The following BLTP1 variants were observed in gnomAD, a reference collection of about 807,000 sequenced individuals.
BLTP1 encodes the protein fragile site-associated protein.
At chr4:122,348,669 A>G in the BLTP1 span, 1 of 1,612,326 alleles carries the variant, frequency 6.2e-7, no homozygotes, top group Non-Finnish European at 8.5e-7. Context: ...ATCAACTTGA[A>G]GCAATTAAAC....
At chr4:122,167,845 G>A in the BLTP1 span, 1 of 985,266 alleles carries the variant, frequency 1.0e-6, no homozygotes, top group Non-Finnish European at 1.2e-6. Context: ...AGATTGAACT[G>A]TTCAGGAAGG....
At chr4:122,196,850 G>T in the BLTP1 span, 1 of 991,974 alleles carries the variant, frequency 1.0e-6, no homozygotes. Flanking sequence ...TTATTTTTCA[G>T]AGTTTTTTCC....
At chr4:122,311,688 T>C in the BLTP1 span, among the ~76,000 whole-genome samples, 1 of 152,004 alleles carries the variant, frequency 6.6e-6, no homozygotes, top group Admixed American at 6.6e-5. Context: ...ATAGGAAGAG[T>C]TCAAAGAACG....
chr4:122,340,694 G>A, the BLTP1 span: 1 of 983,976 alleles, frequency 1.0e-6, no homozygotes, highest in Non-Finnish European at 1.2e-6. Flanking sequence ...TTTTGCTAAT[G>A]TGGTCACCCA....
At chr4:122,154,298 C>T in the BLTP1 span, 1 of 982,052 alleles carries the variant, frequency 1.0e-6, no homozygotes, top group Admixed American at 6.3e-5. Context: ...GCCTCAGCCT[C>T]CCAAGTAGCT....
At chr4:122,331,068 T>C in the BLTP1 span, 3 of 958,942 alleles carry the variant, frequency 3.1e-6, no homozygotes, top group Non-Finnish European at 3.7e-6. Flanking sequence ...CACAGTATAT[T>C]TTATATACTG....
At chr4:122,175,998 A>G in the BLTP1 span, 1 of 750,090 alleles carries the variant, frequency 1.3e-6, no homozygotes, top group African/African-American at 1.8e-5. Context: ...AGATATGACC[A>G]GTTAGAAAAG....
chr4:122,271,608 A>T, the BLTP1 span: 1 of 1,613,458 alleles, frequency 6.2e-7, no homozygotes, highest in South Asian at 1.1e-5. Flanking sequence ...GTGTCAGAAC[A>T]AAGTGAGCCT....
the BLTP1 span, chr4:122,226,506 T>G: frequency 7.4e-7 from 1 of 1,346,424 alleles, no homozygotes; most frequent in East Asian, 3.2e-5. Flanking sequence ...TTGTCATTCA[T>G]AAAGGAAAAG....
the BLTP1 span, chr4:122,196,752 T>C: frequency 6.2e-7 from 1 of 1,607,218 alleles, no homozygotes; most frequent in Non-Finnish European, 8.5e-7. Context: ...TGAATATTAT[T>C]GCAGATGCTA....
At chr4:122,176,078 G>A in the BLTP1 span, among the ~76,000 whole-genome samples, 1 of 152,014 alleles carries the variant, frequency 6.6e-6, no homozygotes, top group Non-Finnish European at 1.5e-5. Flanking sequence ...GAGGCAGGTG[G>A]ATCACCTGAG....
At chr4:122,273,111 C>T in the BLTP1 span, 1 of 587,410 alleles carries the variant, frequency 1.7e-6, no homozygotes, top group Non-Finnish European at 2.1e-6. Context: ...GGTTTTTTTT[C>T]TGGTTGTGAA....
the BLTP1 span, among the ~76,000 whole-genome samples, chr4:122,216,139 CTAT>C: frequency 1.3e-5 from 2 of 148,278 alleles, no homozygotes; most frequent in East Asian, 2.0e-4. Flanking sequence ...ATCTATCTAT[CTAT>C]CTACCACATT....
the BLTP1 span, chr4:122,264,427 G>A: frequency 2.5e-6 from 4 of 1,597,398 alleles, no homozygotes; most frequent in Non-Finnish European, 3.4e-6. Flanking sequence ...CTGATGCACA[G>A]GTGAGCCAGC....
chr4:122,204,284 G>A, the BLTP1 span: 5 of 958,568 alleles, frequency 5.2e-6, no homozygotes, highest in Non-Finnish European at 6.2e-6. Context: ...GTTGTCTGAA[G>A]GTAATCAGAG....
At chr4:122,281,305 C>G in the BLTP1 span, 1 of 978,048 alleles carries the variant, frequency 1.0e-6, no homozygotes, top group African/African-American at 1.8e-5. Context: ...ATCACCTTCA[C>G]AGTATAACAT....
chr4:122,166,224 T>G, the BLTP1 span, among the ~76,000 whole-genome samples: 4,457 of 152,266 alleles, frequency 0.029, 112 homozygotes, highest in East Asian at 0.14. Context: ...GTTTAAGTCT[T>G]TAATCCATCT....
the BLTP1 span, chr4:122,277,094 A>G: frequency 8.1e-6 from 8 of 984,046 alleles, no homozygotes; most frequent in Non-Finnish European, 9.7e-6. Context: ...ATTAGAAGTT[A>G]TTGGAGCCAA....
At chr4:122,316,539 A>G in the BLTP1 span, 2 of 657,716 alleles carry the variant, frequency 3.0e-6, no homozygotes, top group East Asian at 4.2e-5. Context: ...GAGCACACTC[A>G]TGGGGAAACG....
Sources: gnomAD v4.1 joint callset for allele counts (sites outside exome capture counted in the v4.1 genomes callset) on GRCh38, gnomAD v4.1.1 for gene constraint, MANE v1.5 for transcripts, NCBI Gene and HGNC (gene_info 2026-07-23, HGNC 2026-07-21) for gene names.